The following PARP8 variants were observed in gnomAD, a reference collection of about 807,000 sequenced individuals.
PARP8 encodes protein mono-ADP-ribosyltransferase PARP8.
Under a neutral mutation model 124.1 loss-of-function variants are expected in PARP8, and 51 were observed. The observed-to-expected ratio is 0.41, with a 90% CI of 0.33 to 0.52. The LOEUF is 0.52. PARP8 is among the 20% of genes least tolerant of loss of function. The pLI, the probability that PARP8 is intolerant of heterozygous loss-of-function variation, is 0.21. For synonymous variants in PARP8, 391 were observed against 361.5 expected (o/e 1.08, Z -0.93); for missense variants, 860 against 1,018.9 (o/e 0.84, Z 2.12).
Position 50,792,161 on chromosome 5 carries a change from A to G in PARP8, c.738-2046A>G, listed in dbSNP as rs566666005. The stretch of plus-strand genomic sequence containing the variant: ...TTCTTTTTTTCCCTACCATCAGCCA[A>G]TCACTGGCAATGGTAGTAGTTCCTT... On this transcript the variant is annotated intron_variant, in intron 10 of 25. Transcript: ENST00000281631. Among the ~76,000 whole-genome samples the G allele has an allele frequency of 1.5e-3, 224 of 152,252 alleles. 1 individual carries two copies. The highest frequency in any genetic ancestry group is 5.3e-3 in the African/African-American group (222 of 41,546).
rs150478348 is a variant in PARP8, at chr5:50,672,290, A to G, written c.146+4165A>G. Among the ~76,000 whole-genome samples, 1,119 of 152,300 alleles carry G rather than the reference A, an allele frequency of 7.3e-3. 12 individuals are homozygous for G. Among genetic ancestry groups the G allele is most frequent in the African/African-American group, 0.016 (669 of 41,552 alleles). ...GACTGTGAGCCTCTTGGAGATGGGAATTCTCTCCTATGCGTTGCAGTTTCC... is the reference window on the plus strand; with the variant it reads ...GACTGTGAGCCTCTTGGAGATGGGAGTTCTCTCCTATGCGTTGCAGTTTCC... On this transcript the variant is annotated intron_variant, in intron 2 of 25. Transcript: ENST00000281631.
chr5:50,672,227 C>T (rs766870648), intron 2 of PARP8, among the ~76,000 whole-genome samples: 7 of 152,180 alleles, frequency 4.6e-5, no homozygotes, highest in Admixed American at 3.9e-4. Context: ...AAAACCATGT[C>T]GTTACAGTAT....
At chr5:50,667,924 G>A (rs1268277008) in intron 1 of PARP8, 147 bp from the exon 2 acceptor site, 1 of 1,523,916 alleles carries the variant, frequency 6.6e-7, no homozygotes, top group Non-Finnish European at 8.7e-7. Flanking sequence ...CCTCGGACGC[G>A]GCGCAGAGGG....
intron 5 of PARP8, 82 bp downstream of exon 5, chr5:50,760,444 A>T (rs1760434413): frequency 1.8e-6 from 2 of 1,092,788 alleles, no homozygotes; most frequent in Admixed American, 7.1e-5. Context: ...TAATAGCATC[A>T]TTAGTGAGAC....
chr5:50,731,341 G>A (rs1756954144), intron 2 of PARP8, among the ~76,000 whole-genome samples: 1 of 151,894 alleles, frequency 6.6e-6, no homozygotes, highest in Non-Finnish European at 1.5e-5. Flanking sequence ...GTTCTCTTTT[G>A]CTCTTCTGTC....
At chr5:50,837,670 G>A (rs1358393293) in intron 25 of PARP8, among the ~76,000 whole-genome samples, 1 of 151,812 alleles carries the variant, frequency 6.6e-6, no homozygotes. Context: ...CACATAGTAT[G>A]CTAAACACAT....
chr5:50,745,464 G>A (rs1758443451), intron 2 of PARP8, among the ~76,000 whole-genome samples: 1 of 152,114 alleles, frequency 6.6e-6, no homozygotes, highest in Non-Finnish European at 1.5e-5. Flanking sequence ...GGCTCTTAAG[G>A]TAGGTATGGA....
At chr5:50,684,964 C>A (rs574204353) in intron 2 of PARP8, among the ~76,000 whole-genome samples, 1 of 152,286 alleles carries the variant, frequency 6.6e-6, no homozygotes, top group East Asian at 1.9e-4. Context: ...TCAGCCGTCC[C>A]ACTTAGAAAA....
chr5:50,732,288 A>G (rs915693437), intron 2 of PARP8, among the ~76,000 whole-genome samples: 6 of 152,258 alleles, frequency 3.9e-5, no homozygotes, highest in African/African-American at 1.4e-4. Flanking sequence ...ATTATATACA[A>G]TATGGAAGGG....
intron 2 of PARP8, among the ~76,000 whole-genome samples, chr5:50,707,883 A>G (rs546608469): frequency 5.3e-5 from 8 of 152,212 alleles, no homozygotes; most frequent in Admixed American, 4.6e-4. Context: ...GACAGTTTCT[A>G]TTGAATGCCT....
intron 2 of PARP8, among the ~76,000 whole-genome samples, chr5:50,678,987 T>G (rs1750971021): frequency 6.6e-6 from 1 of 152,152 alleles, no homozygotes; most frequent in Non-Finnish European, 1.5e-5. Flanking sequence ...AGTCTACAAT[T>G]TTTTCAGTTT....
At chr5:50,774,921 T>TG (rs1739790434) in intron 7 of PARP8, among the ~76,000 whole-genome samples, 1 of 86,316 alleles carries the variant, frequency 1.2e-5, no homozygotes, top group South Asian at 4.2e-4. Context: ...ACTTCCCAGA[T>TG]GGGGCGGCTG....
chr5:50,736,522 T>C (rs1218315604), intron 2 of PARP8, among the ~76,000 whole-genome samples: 3 of 152,154 alleles, frequency 2.0e-5, no homozygotes, highest in Non-Finnish European at 4.4e-5. Flanking sequence ...TAAGGAGACA[T>C]TTATTTATGG....
chr5:50,678,306 T>C (rs1212930516), intron 2 of PARP8, among the ~76,000 whole-genome samples: 3 of 152,196 alleles, frequency 2.0e-5, no homozygotes. Context: ...TGTTTGAATA[T>C]TGAGCTTAAA....
rs1018980964 is a variant in PARP8 at position 50,845,234 on chromosome 5, T to G, written c.*3166T>G. 1 of 151,750 alleles carries G rather than the reference T, an allele frequency of 6.6e-6. No homozygotes were observed. The highest frequency in any genetic ancestry group is 2.4e-5 in the African/African-American group (1 of 41,390). The allele number at this position is 151,750 out of a possible 1,614,324, so 9.4% of individuals were successfully genotyped here. A position where few individuals can be genotyped will look rare whatever the true frequency, so the allele number is the denominator to read the frequency against. On this transcript the variant is annotated 3_prime_UTR_variant, in exon 26 of 26. Coordinates refer to ENST00000281631, the MANE Select transcript of PARP8 (RefSeq NM_024615.4). ...GGAATTTTAGCAGTACTTTGTATAA[T>G]AAAAATATTTTTTAAACTATAACTT...
At chr5:50,774,491 C>G (rs1312391399) in intron 7 of PARP8, among the ~76,000 whole-genome samples, 13 of 142,932 alleles carry the variant, frequency 9.1e-5, no homozygotes, top group Non-Finnish European at 3.0e-5. Flanking sequence ...GACGGGGCGG[C>G]CGGGCAGAGG....
chr5:50,731,904 T>A (rs1005627334), intron 2 of PARP8, among the ~76,000 whole-genome samples: 2 of 152,212 alleles, frequency 1.3e-5, no homozygotes, highest in African/African-American at 4.8e-5. Context: ...GTTTGCCCTC[T>A]CCATAAATAT....
At chr5:50,804,969 G>A (rs1172917238) in intron 14 of PARP8, among the ~76,000 whole-genome samples, 1 of 151,958 alleles carries the variant, frequency 6.6e-6, no homozygotes, top group Non-Finnish European at 1.5e-5. Flanking sequence ...AATGTCACAA[G>A]TTTTACGGTT....
At chr5:50,744,675 G>A in intron 2 of PARP8, 1 of 688,890 alleles carries the variant, frequency 1.5e-6, no homozygotes, top group Middle Eastern at 2.4e-4. Flanking sequence ...GCACCTCAAT[G>A]TAATTAATTG....
Sources: allele counts gnomAD v4.1 joint callset (sites outside exome capture counted in the v4.1 genomes callset), GRCh38; gene constraint gnomAD v4.1.1; transcripts MANE v1.5; gene names NCBI Gene and HGNC (gene_info 2026-07-23, HGNC 2026-07-21).